AGTPBP1: variants seen among roughly 807,000 people sequenced by gnomAD.
The protein encoded by AGTPBP1 is cytosolic carboxypeptidase 1.
Under a neutral mutation model 143.9 loss-of-function variants are expected in AGTPBP1, and 70 were observed. That is an observed-to-expected ratio of 0.49 (90% CI 0.40 to 0.59). The LOEUF (loss-of-function observed/expected upper bound fraction) is 0.59, where lower values mean the gene tolerates loss of function less well. AGTPBP1 is among the 20% of genes least tolerant of loss of function. The pLI, the probability that AGTPBP1 is intolerant of heterozygous loss-of-function variation, is 0.00. For synonymous variants in AGTPBP1, 463 were observed against 500.2 expected (o/e 0.93, Z 0.99); for missense variants, 1,229 against 1,464.5 (o/e 0.84, Z 2.62).
At chr9:85,773,602 T>C in the AGTPBP1 span, among the ~76,000 whole-genome samples, 3 of 151,908 alleles carry the variant, frequency 2.0e-5, no homozygotes, top group Admixed American at 1.3e-4. Context: ...ACTCCCAAAC[T>C]GCTAGGACTA....
At chr9:85,639,910 G>T (rs781097132) in intron 13 of AGTPBP1, among the ~76,000 whole-genome samples, 1 of 152,184 alleles carries the variant, frequency 6.6e-6, no homozygotes, top group Non-Finnish European at 1.5e-5. Context: ...ACCATACGTT[G>T]CCTTCGAACA....
rs192970007 is a variant in AGTPBP1 at position 85,723,909 on chromosome 9, T to A, written c.-33-11343A>T. Among the ~76,000 whole-genome samples, 8 of 152,268 alleles carry A rather than the reference T, an allele frequency of 5.3e-5. No individual in the cohort carries two copies. In the East Asian group the frequency reaches 1.5e-3, roughly 29 times the overall value. ...GTGAGCACACAATGAAAAGGCACCA[T>A]CTATGAACCATGAAACAGATCCTCA... is the stretch of plus-strand genomic sequence containing the variant. On this transcript the variant is annotated intron_variant, in intron 1 of 25. Transcript: ENST00000357081.
chr9:85,779,241 A>AGATATAGATATC, the AGTPBP1 span, among the ~76,000 whole-genome samples: 1 of 137,912 alleles, frequency 7.3e-6, no homozygotes. Flanking sequence ...ATATAGATAT[A>AGATATAGATATC]GATATCTATA....
intron 14 of AGTPBP1, among the ~76,000 whole-genome samples, chr9:85,631,731 C>T (rs900338683): frequency 2.6e-5 from 4 of 152,190 alleles, no homozygotes; most frequent in South Asian, 2.1e-4. Context: ...GCAAGTTCTT[C>T]CTTGTTTATT....
chr9:85,551,471 C>G (rs769572158), intron 25 of AGTPBP1, among the ~76,000 whole-genome samples: 10 of 152,162 alleles, frequency 6.6e-5, no homozygotes, highest in Non-Finnish European at 1.5e-4. Context: ...TGCCTATATT[C>G]TCAGTACTAA....
chr9:85,573,694 G>T (rs1211593912), intron 25 of AGTPBP1, among the ~76,000 whole-genome samples: 1 of 151,848 alleles, frequency 6.6e-6, no homozygotes, highest in Non-Finnish European at 1.5e-5. Context: ...CATCTAGGAA[G>T]TAAGGAGCGT....
At chr9:85,730,217 T>G (rs1159713287) in intron 1 of AGTPBP1, among the ~76,000 whole-genome samples, 2 of 152,246 alleles carry the variant, frequency 1.3e-5, no homozygotes, top group African/African-American at 4.8e-5. Flanking sequence ...TTCAGATCTC[T>G]CAACTTAATT....
chr9:85,594,497 T>G (rs919699569), intron 18 of AGTPBP1, among the ~76,000 whole-genome samples: 2 of 152,092 alleles, frequency 1.3e-5, no homozygotes, highest in Non-Finnish European at 2.9e-5. Context: ...GAGGATCACT[T>G]GAGCCTGGGA....
In AGTPBP1 at chr9:85,662,454, T is replaced by A. The variant is rs558524313; in HGVS notation, c.663-1481A>T. Among the ~76,000 whole-genome samples the A allele has an allele frequency of 3.9e-5, 6 of 152,330 alleles. No homozygotes were observed. In the East Asian group the frequency reaches 1.2e-3, roughly 29 times the overall value. On this transcript the variant is annotated intron_variant, in intron 8 of 25. Coordinates refer to ENST00000357081, the MANE Select transcript of AGTPBP1 (RefSeq NM_001330701.2). ...TCAGTAAGAAACTTTCCATACTTTT[T>A]ACACTTATGCAATAAAATGTACAGG...
upstream of AGTPBP1, among the ~76,000 whole-genome samples, chr9:85,744,305 G>A (rs2134904384): frequency 6.6e-6 from 1 of 152,230 alleles, no homozygotes; most frequent in Middle Eastern, 3.4e-3. Context: ...TAATAGTTTT[G>A]GAACTCACTC....
chr9:85,577,296 G>A (rs992129335), intron 24 of AGTPBP1, among the ~76,000 whole-genome samples: 3 of 152,110 alleles, frequency 2.0e-5, no homozygotes, highest in Admixed American at 6.6e-5. Flanking sequence ...GAGCCTAACT[G>A]CATAAGTCAT....
chr9:85,745,160 C>T (rs796435191), upstream of AGTPBP1, among the ~76,000 whole-genome samples: 10 of 152,274 alleles, frequency 6.6e-5, no homozygotes, highest in African/African-American at 2.2e-4. Context: ...TCCTCTTCTG[C>T]GGATCACCTT....
chr9:85,680,066 A>G (rs1469959196), intron 4 of AGTPBP1, among the ~76,000 whole-genome samples: 1 of 152,126 alleles, frequency 6.6e-6, no homozygotes, highest in Non-Finnish European at 1.5e-5. Flanking sequence ...ACCTTTAATA[A>G]ATAATACTAA....
chr9:85,568,985 T>C (rs1827284048), intron 25 of AGTPBP1, among the ~76,000 whole-genome samples: 3 of 151,912 alleles, frequency 2.0e-5, no homozygotes, highest in Admixed American at 2.0e-4. Context: ...TTTGGAGTTG[T>C]CAACATACAG....
the AGTPBP1 span, chr9:85,756,218 C>T: frequency 3.6e-5 from 57 of 1,595,384 alleles, no homozygotes; most frequent in Admixed American, 5.5e-5. Flanking sequence ...GGAGAAGAGT[C>T]ACCTGGAAAA....
At chr9:85,734,122 G>A (rs778225293) in intron 1 of AGTPBP1, among the ~76,000 whole-genome samples, 23 of 152,150 alleles carry the variant, frequency 1.5e-4, no homozygotes, top group Admixed American at 5.9e-4. Flanking sequence ...GCGTGGTGGC[G>A]CGTGTCTGTA....
At chr9:85,646,262 GT>G (rs1832800113) in intron 12 of AGTPBP1, 58 bp downstream of exon 12, 1 of 1,207,582 alleles carries the variant, frequency 8.3e-7, no homozygotes, top group African/African-American at 1.5e-5. Flanking sequence ...CCCAATTTTT[GT>G]TTTACAACTG....
Position 85,547,029 on chromosome 9 carries a change from C to A in AGTPBP1, c.*80G>T, listed in dbSNP as rs1281753455. ...TTTTTGAGTCAGCTCTGTATAAACT[C>A]ATTTCTCTCAAGCTTCCTGGGAAAT... On this transcript the variant is annotated 3_prime_UTR_variant, in exon 26 of 26. Coordinates refer to ENST00000357081, the MANE Select transcript of AGTPBP1 (RefSeq NM_001330701.2). The A allele has an allele frequency of 2.8e-6, 4 of 1,453,046 alleles. No individual in the cohort carries two copies. The highest frequency in any genetic ancestry group is 3.7e-6 in the Non-Finnish European group (4 of 1,092,014). 90.0% of individuals were successfully genotyped at this position (1,453,046 alleles called of 1,614,324 possible). A position where few individuals can be genotyped will look rare whatever the true frequency, so the allele number is the denominator to read the frequency against.
chr9:85,679,213 T>C (rs1468391942), intron 4 of AGTPBP1, among the ~76,000 whole-genome samples: 1 of 152,212 alleles, frequency 6.6e-6, no homozygotes, highest in East Asian at 1.9e-4. Flanking sequence ...AGAGTGACTA[T>C]TTCTCCAAGT....
Sources: allele counts gnomAD v4.1 joint callset (sites outside exome capture counted in the v4.1 genomes callset), GRCh38; gene constraint gnomAD v4.1.1; transcripts MANE v1.5; gene names NCBI Gene and HGNC (gene_info 2026-07-23, HGNC 2026-07-21).